Variants in ECPAS observed in about 807,000 individuals in gnomAD.
The protein encoded by ECPAS is proteasome adapter and scaffold protein ECM29.
ECPAS carries 70 observed loss-of-function variants against 255.1 expected under a neutral mutation model. The observed-to-expected ratio is 0.27, with a 90% CI of 0.23 to 0.33. The LOEUF (loss-of-function observed/expected upper bound fraction) is 0.33, where lower values mean the gene tolerates loss of function less well. Among genes scored for constraint, ECPAS ranks in the 10% least tolerant of loss-of-function variants. The pLI, the probability that ECPAS is intolerant of heterozygous loss-of-function variation, is 1.00. For missense variants in ECPAS, 1,817 were observed against 2,206.4 expected (o/e 0.82, Z 3.54); for synonymous variants, 784 against 775.0 (o/e 1.01, Z -0.19).
At chr9:111,451,123 C>T (rs975630827) in intron 3 of ECPAS, among the ~76,000 whole-genome samples, 2 of 152,092 alleles carry the variant, frequency 1.3e-5, no homozygotes, top group Non-Finnish European at 2.9e-5. Context: ...TACCACATGC[C>T]TTTCATATTG....
At chr9:111,483,833 C>G (rs2098310927) in intron 1 of ECPAS, among the ~76,000 whole-genome samples, 1 of 147,182 alleles carries the variant, frequency 6.8e-6, no homozygotes, top group Admixed American at 6.8e-5. Flanking sequence ...GTGCGCCAGG[C>G]CCGCGCGGCG....
chr9:111,387,820 G>C (rs1315078408), intron 31 of ECPAS, among the ~76,000 whole-genome samples: 2 of 151,076 alleles, frequency 1.3e-5, no homozygotes, highest in Non-Finnish European at 3.0e-5. Flanking sequence ...TTGAGGGACA[G>C]AGTCTCACTC....
At position 111,422,194 on chromosome 9, in the gene ECPAS, C is replaced by T; in HGVS notation, c.1272G>A (p.Met424Ile). The T allele has an allele frequency of 6.2e-7, 1 of 1,613,032 alleles. No homozygotes were observed. Among genetic ancestry groups the T allele is most frequent in the East Asian group, 2.2e-5 (1 of 44,858 alleles). Residue 424 changes from methionine to isoleucine, a missense_variant, in exon 14 of 50, where the codon ATG becomes ATA. By Grantham distance (10) the Met-to-Ile change is conservative. Around this residue, in one of 4 missense-constraint regions of ECPAS, gnomAD observed 573 missense variants for 716.2 expected, o/e 0.80. Transcript: ENST00000684092. ...CTATATCCTTAGTGAATAAATGTGG[C>T]ATCCGACTGCAAAAGAATGTAAAAA... ...YSAVGKLSSR[M>I]PHLFTKDIAL...
chr9:111,405,303 T>C (rs375601906), intron 24 of ECPAS, among the ~76,000 whole-genome samples: 1 of 149,554 alleles, frequency 6.7e-6, no homozygotes, highest in African/African-American at 2.5e-5. Flanking sequence ...ATCAAGAACA[T>C]ATATTGAGGA....
intron 36 of ECPAS, among the ~76,000 whole-genome samples, chr9:111,377,841 A>C (rs2098135211): frequency 6.6e-6 from 1 of 152,060 alleles, no homozygotes; most frequent in South Asian, 2.1e-4. Flanking sequence ...TTTCATCTGA[A>C]GTTTTAAAAA....
chr9:111,371,884 TTC>T, intron 42 of ECPAS, 55 bp from the exon 43 acceptor site: 1 of 1,467,346 alleles, frequency 6.8e-7, no homozygotes, highest in Non-Finnish European at 9.4e-7. Context: ...TAACTGATTT[TTC>T]TAAACCTGAA....
rs1464065507 is a variant in ECPAS at position 111,376,549 on chromosome 9, A to G, written c.3955-8T>C. On this transcript the variant is annotated splice_polypyrimidine_tract_variant and splice_region_variant and intron_variant, in intron 36 of 49. Coordinates refer to ENST00000684092, the MANE Select transcript of ECPAS (RefSeq NM_001364929.1). Reference sequence around the variant, plus strand: ...AGCACTATCCATCGCAGCCTAAAGAAGAGAAATTAAAGTCACCCGGCACAT... The same window carrying G: ...AGCACTATCCATCGCAGCCTAAAGAGGAGAAATTAAAGTCACCCGGCACAT... 6.3e-7 allele frequency: 1 copy of G among 1,588,560 alleles called. No individual in the cohort carries two copies. Among genetic ancestry groups the G allele is most frequent in the South Asian group, 1.2e-5 (1 of 86,656 alleles).
chr9:111,435,720 C>A lies in ECPAS; in HGVS notation c.708+1220G>T, dbSNP rs558632506. Reference sequence around the variant, plus strand: ...TTTGAGATGGAGTCTTGCTCTGTCGCCCAGGCTGGAGTGCAGTGGCACGAT... The same window carrying A: ...TTTGAGATGGAGTCTTGCTCTGTCGACCAGGCTGGAGTGCAGTGGCACGAT... On this transcript the variant is annotated intron_variant, in intron 7 of 49. Coordinates refer to ENST00000684092, the MANE Select transcript of ECPAS (RefSeq NM_001364929.1). Among the ~76,000 whole-genome samples the A allele has an allele frequency of 4.7e-5, 7 of 149,802 alleles. No homozygotes were observed. The East Asian group carries it at 9.8e-4, about 21-fold the overall frequency.
At chr9:111,434,044 TAGGATAAATACACC>T (rs1338985602) in intron 7 of ECPAS, among the ~76,000 whole-genome samples, 1 of 152,226 alleles carries the variant, frequency 6.6e-6, no homozygotes, top group African/African-American at 2.4e-5. Context: ...TGACTCTATT[TAGGATAAATACACC>T]TGAAAAAATA....
At chr9:111,445,097 G>GC (rs2098251154) in intron 3 of ECPAS, among the ~76,000 whole-genome samples, 1 of 147,450 alleles carries the variant, frequency 6.8e-6, no homozygotes, top group Non-Finnish European at 1.5e-5. Flanking sequence ...CTGAGTTCAA[G>GC]CAATCCCCCT....
intron 47 of ECPAS, 79 bp from the exon 48 acceptor site, chr9:111,366,406 G>C (rs992436444): frequency 9.7e-5 from 126 of 1,293,764 alleles, no homozygotes; most frequent in Non-Finnish European, 1.3e-4. Flanking sequence ...ATTTCTATCT[G>C]TATGTATCAC....
intron 4 of ECPAS, among the ~76,000 whole-genome samples, chr9:111,442,971 C>A (rs776118194): frequency 1.3e-5 from 2 of 152,184 alleles, no homozygotes; most frequent in Non-Finnish European, 2.9e-5. Context: ...ATTTGAAAAT[C>A]TGAAATTCGA....
chr9:111,389,490 A>C (rs1013983856), intron 31 of ECPAS, 66 bp downstream of exon 31: 42 of 1,382,364 alleles, frequency 3.0e-5, no homozygotes, highest in African/African-American at 2.5e-4. Context: ...CACTGGGTTT[A>C]AATCCTATGC....
At chr9:111,433,581 C>A (rs771522181) in intron 7 of ECPAS, among the ~76,000 whole-genome samples, 4 of 152,152 alleles carry the variant, frequency 2.6e-5, no homozygotes, top group Admixed American at 1.3e-4. Context: ...ATAAATCAAT[C>A]ATTATACCCA....
chr9:111,476,194 C>G (rs1422119599), intron 1 of ECPAS, among the ~76,000 whole-genome samples: 1 of 152,212 alleles, frequency 6.6e-6, no homozygotes, highest in African/African-American at 2.4e-5. Context: ...CAACGAAGAT[C>G]AGATTCTAAG....
intron 45 of ECPAS, 88 bp from the exon 46 acceptor site, chr9:111,369,261 G>A: frequency 1.0e-6 from 1 of 963,618 alleles, no homozygotes; most frequent in Non-Finnish European, 1.4e-6. Flanking sequence ...ACCAACCAAG[G>A]CAGGAGATAT....
intron 2 of ECPAS, among the ~76,000 whole-genome samples, chr9:111,459,292 T>C (rs1343767240): frequency 1.3e-5 from 2 of 152,110 alleles, no homozygotes; most frequent in Non-Finnish European, 2.9e-5. Context: ...ATGAGGTCTA[T>C]GTTGCCCAGG....
At chr9:111,483,564 A>G in intron 1 of ECPAS, 3 of 299,432 alleles carry the variant, frequency 1.0e-5, no homozygotes, top group Non-Finnish European at 1.4e-5. Context: ...GGAGGGAACG[A>G]GGGAGGGGCT....
At chr9:111,452,232 T>G (rs1241092451) in intron 2 of ECPAS, among the ~76,000 whole-genome samples, 1 of 152,198 alleles carries the variant, frequency 6.6e-6, no homozygotes, top group Non-Finnish European at 1.5e-5. Context: ...TAAAATTGTT[T>G]TAGGTACTAT....
Sources: gnomAD v4.1 joint callset for allele counts (sites outside exome capture counted in the v4.1 genomes callset) on GRCh38, gnomAD v4.1.1 for gene constraint, gnomAD v4.1.1 regional missense constraint, MANE v1.5 for transcripts, NCBI Gene and HGNC (gene_info 2026-07-23, HGNC 2026-07-21) for gene names.